The following MCCC2 variants were observed in gnomAD, a reference collection of about 807,000 sequenced individuals.
The protein encoded by MCCC2 is methylcrotonoyl-CoA carboxylase beta chain, mitochondrial.
In MCCC2, 52 loss-of-function variants were observed where a neutral mutation model predicts 77.2. The observed-to-expected ratio is 0.67, with a 90% CI of 0.54 to 0.85. The LOEUF (loss-of-function observed/expected upper bound fraction) is 0.85, where lower values mean the gene tolerates loss of function less well. Ranked by LOEUF, MCCC2 falls within the 40% of genes least tolerant of loss-of-function variation. The pLI is 0.00. For synonymous variants in MCCC2, 253 were observed against 248.4 expected (o/e 1.02, Z -0.18); for missense variants, 682 against 703.2 (o/e 0.97, Z 0.34).
chr5:71,647,888 T>G (rs899853232), intron 13 of MCCC2, among the ~76,000 whole-genome samples: 3 of 147,042 alleles, frequency 2.0e-5, no homozygotes, highest in African/African-American at 7.4e-5. Flanking sequence ...CGAAGTGAGA[T>G]GCCTCACTCT....
chr5:71,628,813 G>T (rs140264760), intron 7 of MCCC2, among the ~76,000 whole-genome samples: 1 of 152,138 alleles, frequency 6.6e-6, no homozygotes, highest in South Asian at 2.1e-4. Context: ...ATATACATTT[G>T]TATACTTCTA....
intron 1 of MCCC2, among the ~76,000 whole-genome samples, chr5:71,590,528 A>G (rs2112265642): frequency 6.6e-6 from 1 of 152,138 alleles, no homozygotes; most frequent in East Asian, 1.9e-4. Flanking sequence ...TTGAAAGGAT[A>G]CTTTTGGGCC....
chr5:71,609,177 C>T (rs1745812744), intron 6 of MCCC2, among the ~76,000 whole-genome samples: 1 of 151,632 alleles, frequency 6.6e-6, no homozygotes, highest in Non-Finnish European at 1.5e-5. Context: ...CAACTTGGTT[C>T]CATTCTCCCC....
intron 14 of MCCC2, 70 bp from the exon 15 acceptor site, chr5:71,649,999 A>T: frequency 1.6e-6 from 2 of 1,223,294 alleles, no homozygotes; most frequent in Non-Finnish European, 2.4e-6. Flanking sequence ...TTTAAAAGGC[A>T]AACATGGGCC....
At chr5:71,592,848 T>C in intron 1 of MCCC2, 78 bp from the exon 2 acceptor site, 1 of 1,161,662 alleles carries the variant, frequency 8.6e-7, no homozygotes. Flanking sequence ...GTTTTTTTTT[T>C]TTTTTTGACC....
Position 71,645,879 on chromosome 5 carries a change from C to A in MCCC2, c.1150-332C>A, listed in dbSNP as rs1747260099. Among the ~76,000 whole-genome samples, 3 of 152,090 alleles carry A rather than the reference C, an allele frequency of 2.0e-5. No individual in the cohort carries two copies. In the South Asian group the frequency reaches 6.2e-4, roughly 32 times the overall value. On this transcript the variant is annotated intron_variant, in intron 12 of 16. Coordinates refer to ENST00000340941, the MANE Select transcript of MCCC2 (RefSeq NM_022132.5). ...CACTGTACTATTACTGTTACTCTTT[C>A]TATAAGGTAAGACTAGCCAAACAAA... is the stretch of plus-strand genomic sequence containing the variant.
In MCCC2 at chr5:71,633,353, G is replaced by A. The variant is rs192833453; in HGVS notation, c.803+1168G>A. Among the ~76,000 whole-genome samples the A allele has an allele frequency of 2.0e-3, 302 of 148,614 alleles. 2 individuals are homozygous for A. The highest frequency in any genetic ancestry group is 7.2e-3 in the African/African-American group (291 of 40,164). On this transcript the variant is annotated intron_variant, in intron 8 of 16. Transcript: ENST00000340941. Reference sequence around the variant, plus strand: ...GTGTAGATTCTGGAATTTAACTTCCGTTTGCCTCCCCTATTCCCCTTGGGA... The same window carrying A: ...GTGTAGATTCTGGAATTTAACTTCCATTTGCCTCCCCTATTCCCCTTGGGA...
intron 7 of MCCC2, among the ~76,000 whole-genome samples, chr5:71,629,991 G>A (rs1474944593): frequency 6.6e-6 from 1 of 152,192 alleles, no homozygotes; most frequent in South Asian, 2.1e-4. Context: ...GTTTTAGAGA[G>A]AAGATTTTGT....
chr5:71,593,540 A>G (rs1173290598), intron 2 of MCCC2, among the ~76,000 whole-genome samples: 4 of 150,418 alleles, frequency 2.7e-5, no homozygotes, highest in African/African-American at 9.7e-5. Context: ...ATGAATAAAT[A>G]ATTTATTTTT....
At chr5:71,595,464 C>G (rs969351016) in intron 2 of MCCC2, among the ~76,000 whole-genome samples, 2 of 146,952 alleles carry the variant, frequency 1.4e-5, no homozygotes, top group Admixed American at 6.8e-5. Context: ...CTTGGAAGAT[C>G]GTTTGAGATT....
At chr5:71,593,379 T>C (rs907799381) in intron 2 of MCCC2, among the ~76,000 whole-genome samples, 1 of 152,050 alleles carries the variant, frequency 6.6e-6, no homozygotes, top group African/African-American at 2.4e-5. Context: ...CGTGAGCCAC[T>C]ACTCCTGGCT....
chr5:71,649,595 C>G (rs761548716), intron 14 of MCCC2, among the ~76,000 whole-genome samples: 2 of 152,178 alleles, frequency 1.3e-5, no homozygotes, highest in Admixed American at 6.5e-5. Context: ...GTGAGCTAAG[C>G]CTTCATCTGT....
chr5:71,632,288 C>A, intron 8 of MCCC2, 103 bp downstream of exon 8: 1 of 1,022,912 alleles, frequency 9.8e-7, no homozygotes, highest in Non-Finnish European at 1.5e-6. Context: ...CTTGCCAGAC[C>A]ACACCACAGT....
rs1747390697 is a variant in MCCC2, at chr5:71,650,076, T to G, written c.1381T>G (p.Phe461Val). The G allele has an allele frequency of 2.5e-6, 4 of 1,613,708 alleles. No individual in the cohort carries two copies. Among genetic ancestry groups the G allele is most frequent in the Middle Eastern group, 1.6e-4 (1 of 6,084 alleles). Residue 461 changes from phenylalanine (F) to valine (V), a missense_variant, in exon 15 of 17, where the codon TTT (phenylalanine) becomes GTT (valine). Physicochemically the swap from Phe to Val is conservative, Grantham distance 50 (BLOSUM62 -1). Transcript: ENST00000340941. ...TTCCTTTTCTTCCCCCAGCCCAAGA[T>G]TTCTCTACATTTGGCCAAATGCTCG... ...GMCGRAYSPR[F>V]LYIWPNARIS...
chr5:71,600,485 A>T (rs2112312498), intron 4 of MCCC2, among the ~76,000 whole-genome samples: 1 of 151,712 alleles, frequency 6.6e-6, no homozygotes, highest in South Asian at 2.1e-4. Flanking sequence ...GAGTGCAGTG[A>T]CATGATCATA....
At chr5:71,610,341 C>T (rs1745881524) in intron 6 of MCCC2, among the ~76,000 whole-genome samples, 1 of 152,184 alleles carries the variant, frequency 6.6e-6, no homozygotes, top group Non-Finnish European at 1.5e-5. Flanking sequence ...CCAGGTGCGT[C>T]CGTCACCCCT....
chr5:71,624,186 TA>T (rs1746457342), intron 6 of MCCC2, among the ~76,000 whole-genome samples: 1 of 152,104 alleles, frequency 6.6e-6, no homozygotes, highest in Admixed American at 6.5e-5. Flanking sequence ...GGGGGGGCCC[TA>T]CCTCATGACT....
At chr5:71,651,751 T>G (rs1747444772) in intron 15 of MCCC2, among the ~76,000 whole-genome samples, 1 of 152,192 alleles carries the variant, frequency 6.6e-6, no homozygotes, top group South Asian at 2.1e-4. Context: ...GCTTTGCTTT[T>G]GTGCGAGTGG....
chr5:71,617,753 G>A (rs758826764), intron 6 of MCCC2, among the ~76,000 whole-genome samples: 6 of 152,070 alleles, frequency 3.9e-5, no homozygotes, highest in Non-Finnish European at 7.4e-5. Flanking sequence ...CTCCAAGGTT[G>A]GTTTTTATTT....
Sources: gnomAD v4.1 joint callset for allele counts (sites outside exome capture counted in the v4.1 genomes callset) on GRCh38, gnomAD v4.1.1 for gene constraint, MANE v1.5 for transcripts, NCBI Gene and HGNC (gene_info 2026-07-23, HGNC 2026-07-21) for gene names.